RTL4: variants seen among roughly 807,000 people sequenced by gnomAD.
RTL4 encodes retrotransposon Gag like 4, also known as retrotransposon Gag-like protein 4.
In RTL4, 4 loss-of-function variants were observed where a neutral mutation model predicts 5.3. That is an observed-to-expected ratio of 0.75 (90% CI 0.37 to 1.72). The LOEUF (loss-of-function observed/expected upper bound fraction) is 1.72, where lower values mean the gene tolerates loss of function less well. RTL4 is among the 40% of genes most tolerant of loss of function. The pLI, the probability that RTL4 is intolerant of heterozygous loss-of-function variation, is 0.04. For missense variants in RTL4, 260 were observed against 227.1 expected, an observed-to-expected ratio of 1.14 and a Z score of -0.93; for synonymous variants, 98 against 87.3, an observed-to-expected ratio of 1.12 and a Z score of -0.68.
the RTL4 span, among the ~76,000 whole-genome samples, chrX:112,330,388 AG>A: frequency 9.7e-6 from 1 of 103,363 alleles, no homozygotes; most frequent in Non-Finnish European, 1.9e-5. Flanking sequence ...CCAAATCATG[AG>A]TGAACTCCCA....
chrX:112,338,098 C>G, the RTL4 span, among the ~76,000 whole-genome samples: 1 of 111,776 alleles, frequency 8.9e-6, no homozygotes, highest in East Asian at 2.8e-4. Context: ...TACCAATTTA[C>G]AGTCTTCACC....
At chrX:112,198,768 C>A in the RTL4 span, among the ~76,000 whole-genome samples, 35 of 111,049 alleles carry the variant, frequency 3.2e-4, no homozygotes, top group East Asian at 7.7e-3. Context: ...TTAAGATATA[C>A]AAGGATTTAT....
At chrX:112,208,409 G>A in the RTL4 span, among the ~76,000 whole-genome samples, 7 of 111,897 alleles carry the variant, frequency 6.3e-5, no homozygotes, top group Non-Finnish European at 1.3e-4. Context: ...TAGTTCTGAG[G>A]CCAAGTTCTC....
At chrX:112,207,768 A>C in the RTL4 span, among the ~76,000 whole-genome samples, 1 of 109,999 alleles carries the variant, frequency 9.1e-6, no homozygotes, top group Non-Finnish European at 1.9e-5. Context: ...TTTCTCTTTA[A>C]AACTCCTCCA....
At chrX:112,116,970 GT>G in the RTL4 span, among the ~76,000 whole-genome samples, 1 of 111,732 alleles carries the variant, frequency 8.9e-6, no homozygotes, top group African/African-American at 3.3e-5. Flanking sequence ...AGGAGTTCTG[GT>G]TATACATTTA....
chrX:112,211,787 C>T, the RTL4 span, among the ~76,000 whole-genome samples: 1 of 112,547 alleles, frequency 8.9e-6, no homozygotes. Context: ...AGGCACTGTG[C>T]TAGACACGTT....
chrX:112,210,259 G>C, the RTL4 span, among the ~76,000 whole-genome samples: 2 of 112,226 alleles, frequency 1.8e-5, no homozygotes, highest in East Asian at 2.8e-4. Context: ...GATGTTTAAA[G>C]TCAGACAGAC....
At chrX:112,362,691 T>C in the RTL4 span, among the ~76,000 whole-genome samples, 1 of 110,916 alleles carries the variant, frequency 9.0e-6, no homozygotes, top group Admixed American at 9.6e-5. Flanking sequence ...AGGTTCATGA[T>C]AACAAACATA....
the RTL4 span, among the ~76,000 whole-genome samples, chrX:112,095,406 C>A: frequency 8.9e-6 from 1 of 111,754 alleles, no homozygotes; most frequent in East Asian, 2.8e-4. Flanking sequence ...GGTGGTTCTT[C>A]TGACACTACT....
At chrX:112,219,452 A>G in the RTL4 span, among the ~76,000 whole-genome samples, 21,492 of 111,647 alleles carry the variant, frequency 0.19, 1,883 homozygotes, top group Admixed American at 0.34. Context: ...TGGCTTGAAG[A>G]TCATGCTAAT....
At chrX:112,238,392 GAT>G in the RTL4 span, among the ~76,000 whole-genome samples, 5 of 111,323 alleles carry the variant, frequency 4.5e-5, no homozygotes, top group African/African-American at 1.3e-4. Flanking sequence ...CATGATGATT[GAT>G]ATATACAGAT....
At chrX:112,176,956 T>A in the RTL4 span, among the ~76,000 whole-genome samples, 1 of 111,153 alleles carries the variant, frequency 9.0e-6, no homozygotes, top group Non-Finnish European at 1.9e-5. Context: ...TAATTTCGCT[T>A]AACATAATGA....
chrX:112,389,332 CA>C, the RTL4 span, among the ~76,000 whole-genome samples: 3,483 of 89,178 alleles, frequency 0.039, 57 homozygotes, highest in South Asian at 0.085. Flanking sequence ...TTAATTTTCT[CA>C]AAAAAAAAAA....
At chrX:112,138,238 G>A in the RTL4 span, among the ~76,000 whole-genome samples, 1 of 112,080 alleles carries the variant, frequency 8.9e-6, no homozygotes, top group Non-Finnish European at 1.9e-5. Flanking sequence ...GTAGCCAGGG[G>A]ATTGAAGGAG....
the RTL4 span, among the ~76,000 whole-genome samples, chrX:112,152,246 G>A: frequency 9.0e-6 from 1 of 111,695 alleles, no homozygotes; most frequent in Non-Finnish European, 1.9e-5. Flanking sequence ...TCTAATTTTT[G>A]CACAACATTC....
the RTL4 span, among the ~76,000 whole-genome samples, chrX:112,336,934 T>C: frequency 8.9e-6 from 1 of 112,253 alleles, no homozygotes; most frequent in East Asian, 2.8e-4. Flanking sequence ...AATAACATTT[T>C]ATTTATGGAT....
chrX:112,272,673 C>T, the RTL4 span, among the ~76,000 whole-genome samples: 1 of 111,464 alleles, frequency 9.0e-6, no homozygotes. Context: ...TTTCACATAC[C>T]ATGTAGTCTT....
At chrX:112,352,102 T>G in the RTL4 span, among the ~76,000 whole-genome samples, 2 of 111,070 alleles carry the variant, frequency 1.8e-5, no homozygotes, top group Non-Finnish European at 3.8e-5. Context: ...GTCTGTAAAG[T>G]ATTTTATTTC....
chrX:112,383,188 T>G, the RTL4 span, among the ~76,000 whole-genome samples: 2 of 111,985 alleles, frequency 1.8e-5, no homozygotes, highest in East Asian at 2.8e-4. Flanking sequence ...TTAGTATAAC[T>G]GTATATTTTA....
Sources: allele counts gnomAD v4.1 joint callset (sites outside exome capture counted in the v4.1 genomes callset), GRCh38; gene constraint gnomAD v4.1.1; transcripts MANE v1.5; gene names NCBI Gene and HGNC (gene_info 2026-07-23, HGNC 2026-07-21).